The following FAM107B variants were observed in gnomAD, a reference collection of about 807,000 sequenced individuals.
FAM107B encodes the protein protein FAM107B.
A neutral mutation model predicts 31.5 loss-of-function variants in FAM107B; 21 were observed. The ratio of observed to expected loss-of-function variants is 0.67; its 90% CI spans 0.47 to 0.96. The LOEUF (loss-of-function observed/expected upper bound fraction) is 0.96, where lower values mean the gene tolerates loss of function less well. FAM107B is among the 40% of genes least tolerant of loss of function. The probability of loss-of-function intolerance (pLI) is 0.00; values close to 1 mark genes in which losing one functional copy is unlikely to be tolerated. For synonymous variants in FAM107B, 157 were observed against 141.5 expected (o/e 1.11, Z -0.78); for missense variants, 452 against 377.1 (o/e 1.20, Z -1.64).
At chr10:14,730,952 A>C (rs763040259) in intron 1 of FAM107B, among the ~76,000 whole-genome samples, 7 of 152,242 alleles carry the variant, frequency 4.6e-5, no homozygotes, top group Non-Finnish European at 8.8e-5. Flanking sequence ...GAGTGGAGGC[A>C]GAAGATCAAA....
intron 2 of FAM107B, among the ~76,000 whole-genome samples, chr10:14,644,133 A>G (rs1853697231): frequency 6.6e-6 from 1 of 152,198 alleles, no homozygotes; most frequent in Admixed American, 6.5e-5. Context: ...CTGTTATTGC[A>G]GTAAGATAGT....
At chr10:14,669,218 A>C (rs576364771) in intron 1 of FAM107B, among the ~76,000 whole-genome samples, 69 of 152,082 alleles carry the variant, frequency 4.5e-4, no homozygotes, top group African/African-American at 1.6e-3. Context: ...AAATACAAAA[A>C]AATTAGCTGG....
At chr10:14,635,885 G>T (rs928354287) in intron 2 of FAM107B, among the ~76,000 whole-genome samples, 5 of 152,054 alleles carry the variant, frequency 3.3e-5, no homozygotes, top group African/African-American at 1.2e-4. Flanking sequence ...GCCCGCCTCG[G>T]CCTCCCACCG....
intron 2 of FAM107B, among the ~76,000 whole-genome samples, chr10:14,554,445 CATTAG>C (rs1487195055): frequency 6.6e-6 from 1 of 152,114 alleles, no homozygotes; most frequent in Admixed American, 6.5e-5. Context: ...CTGGGAGAAC[CATTAG>C]ATTAAACTTA....
intron 1 of FAM107B, among the ~76,000 whole-genome samples, chr10:14,710,926 T>A (rs1855631983): frequency 6.6e-6 from 1 of 152,168 alleles, no homozygotes; most frequent in African/African-American, 2.4e-5. Flanking sequence ...AATAATTTTT[T>A]TTTTGAGATG....
intron 1 of FAM107B, among the ~76,000 whole-genome samples, chr10:14,726,486 C>A (rs772198599): frequency 6.6e-6 from 1 of 152,074 alleles, no homozygotes; most frequent in Non-Finnish European, 1.5e-5. Context: ...CAGCATGGAG[C>A]CAGACTTGAA....
chr10:14,670,084 G>T (rs11597185), intron 1 of FAM107B, among the ~76,000 whole-genome samples: 23,327 of 152,098 alleles, frequency 0.15, 2,175 homozygotes, highest in South Asian at 0.3. Context: ...TTTTTAAAAA[G>T]AAATGTCTTT....
chr10:14,572,736 A>ATATATATATATATAT (rs1455058375), intron 2 of FAM107B, among the ~76,000 whole-genome samples: 8 of 86,480 alleles, frequency 9.3e-5, no homozygotes, highest in African/African-American at 2.8e-4. Context: ...AAAAAAAAAA[A>ATATATATATATATAT]ATTTATATAT....
intron 1 of FAM107B, among the ~76,000 whole-genome samples, chr10:14,699,177 A>C (rs537644139): frequency 6.6e-6 from 1 of 152,360 alleles, no homozygotes; most frequent in East Asian, 1.9e-4. Flanking sequence ...AGGGAGAAAC[A>C]GTATGGACCA....
intron 2 of FAM107B, among the ~76,000 whole-genome samples, chr10:14,558,127 C>A (rs1380854888): frequency 6.6e-6 from 1 of 152,240 alleles, no homozygotes. Context: ...TTAAATGCAC[C>A]GCCAGACTTG....
intron 2 of FAM107B, chr10:14,554,066 T>G (rs1164885851): frequency 3.1e-6 from 3 of 976,432 alleles, no homozygotes; most frequent in Non-Finnish European, 3.6e-6. Context: ...GCCACACATA[T>G]GTCATATATA....
At chr10:14,689,458 G>A (rs367557259) in intron 1 of FAM107B, among the ~76,000 whole-genome samples, 1 of 151,872 alleles carries the variant, frequency 6.6e-6, no homozygotes, top group African/African-American at 2.4e-5. Context: ...TGCAAACTGG[G>A]AAATGCTAGA....
intron 2 of FAM107B, among the ~76,000 whole-genome samples, chr10:14,547,790 T>C (rs1848836898): frequency 1.3e-5 from 2 of 152,344 alleles, no homozygotes; most frequent in Non-Finnish European, 1.5e-5. Flanking sequence ...AACAATGATG[T>C]GTTTTTTCTG....
At chr10:14,565,166 T>C (rs1360070739) in intron 2 of FAM107B, among the ~76,000 whole-genome samples, 2 of 152,242 alleles carry the variant, frequency 1.3e-5, no homozygotes, top group Admixed American at 6.5e-5. Flanking sequence ...GTCTTGACAC[T>C]GAGGATAAAG....
chr10:14,631,973 GCCATTAGGA>G (rs1480634583), intron 2 of FAM107B, among the ~76,000 whole-genome samples: 1 of 152,156 alleles, frequency 6.6e-6, no homozygotes, highest in Non-Finnish European at 1.5e-5. Flanking sequence ...AGGTTCCTGA[GCCATTAGGA>G]CCATTGGAAT....
chr10:14,612,494 C>CCT (rs1415629459), intron 2 of FAM107B: 1 of 152,332 alleles, frequency 6.6e-6, no homozygotes, highest in Middle Eastern at 3.4e-3. Context: ...CTTACCCTGT[C>CCT]CAAGATTCCA....
intron 4 of FAM107B, 83 bp from the exon 5 acceptor site, chr10:14,521,389 A>G (rs1845619950): frequency 8.9e-7 from 1 of 1,118,080 alleles, no homozygotes; most frequent in African/African-American, 1.5e-5. Flanking sequence ...AAAGTCCCTG[A>G]CAACTTTACT....
At chr10:14,714,628 C>G (rs879199608) in intron 1 of FAM107B, among the ~76,000 whole-genome samples, 1 of 152,068 alleles carries the variant, frequency 6.6e-6, no homozygotes, top group Non-Finnish European at 1.5e-5. Flanking sequence ...TCAACACCAC[C>G]GCTCCCTTAT....
chr10:14,752,096 C>G (rs894579351), intron 1 of FAM107B, among the ~76,000 whole-genome samples: 25 of 152,184 alleles, frequency 1.6e-4, no homozygotes, highest in African/African-American at 5.1e-4. Flanking sequence ...CACTCCCAGC[C>G]TGTTGGTTTC....
Sources: allele counts gnomAD v4.1 joint callset (sites outside exome capture counted in the v4.1 genomes callset), GRCh38; gene constraint gnomAD v4.1.1; transcripts MANE v1.5; gene names NCBI Gene and HGNC (gene_info 2026-07-23, HGNC 2026-07-21).